The following NIBAN2 variants were observed in gnomAD, a reference collection of about 807,000 sequenced individuals.
NIBAN2 encodes the protein protein Niban 2.
A neutral mutation model predicts 81.8 loss-of-function variants in NIBAN2; 36 were observed. That is an observed-to-expected ratio of 0.44 (90% CI 0.34 to 0.58). The LOEUF (loss-of-function observed/expected upper bound fraction) is 0.58. Among genes scored for constraint, NIBAN2 ranks in the 20% least tolerant of loss-of-function variants. The pLI, the probability that NIBAN2 is intolerant of heterozygous loss-of-function variation, is 0.02. For missense variants in NIBAN2, 897 were observed against 1,014.1 expected, an observed-to-expected ratio of 0.88 and a Z score of 1.57; for synonymous variants, 445 against 441.6, an observed-to-expected ratio of 1.01 and a Z score of -0.10.
chr9:127,528,985 C>A (rs1053247898), intron 2 of NIBAN2, among the ~76,000 whole-genome samples: 4 of 152,244 alleles, frequency 2.6e-5, no homozygotes, highest in Non-Finnish European at 5.9e-5. Context: ...CCACCCAGTC[C>A]GCCCCCAGAT....
rs758406762 is a variant in NIBAN2, at chr9:127,516,953, T to C, written c.877A>G (p.Lys293Glu). The C allele has an allele frequency of 1.7e-5, 27 of 1,614,126 alleles. No individual in the cohort carries two copies. The Middle Eastern group carries it at 3.5e-3, about 207-fold the overall frequency. Residue 293 changes from lysine (K) to glutamate (E), a missense_variant, in exon 8 of 14, where the codon AAG (lysine) becomes GAG (glutamate). This residue lies in a region of NIBAN2 where 619 missense variants were observed against 691.0 expected (regional missense o/e 0.90). Coordinates refer to ENST00000373312, the MANE Select transcript of NIBAN2 (RefSeq NM_022833.4). ...AKARFEEVLS[K>E]VQQVQPAMQA... ...ATGGCCGGCTGCACCTGCTGCACCT[T>C]GGACAGCACCTCCTCGAAGCGCGCC...
chr9:127,549,389 A>ACG (rs1196374125), intron 1 of NIBAN2, among the ~76,000 whole-genome samples: 1 of 151,290 alleles, frequency 6.6e-6, no homozygotes, highest in Non-Finnish European at 1.5e-5. Flanking sequence ...ATGCACATGC[A>ACG]CGCACACACA....
intron 3 of NIBAN2, among the ~76,000 whole-genome samples, chr9:127,526,551 G>A (rs950802946): frequency 3.9e-5 from 6 of 152,318 alleles, no homozygotes; most frequent in Admixed American, 6.5e-5. Context: ...TCTGGGGCAC[G>A]AGGTTGCTCT....
chr9:127,542,103 G>A (rs894469520), intron 1 of NIBAN2, among the ~76,000 whole-genome samples: 3 of 152,190 alleles, frequency 2.0e-5, no homozygotes, highest in African/African-American at 7.2e-5. Context: ...CAGGGGAGTT[G>A]CCCAACGTTT....
intron 1 of NIBAN2, among the ~76,000 whole-genome samples, chr9:127,568,332 C>T (rs1479824936): frequency 2.0e-5 from 3 of 152,194 alleles, no homozygotes; most frequent in Non-Finnish European, 2.9e-5. Context: ...ATGGGCGCGT[C>T]CTTCAGGAAG....
At chr9:127,574,774 A>C (rs548902682) in intron 1 of NIBAN2, among the ~76,000 whole-genome samples, 1 of 152,314 alleles carries the variant, frequency 6.6e-6, no homozygotes, top group South Asian at 2.1e-4. Flanking sequence ...GGCATGGCCC[A>C]TTGTGCAGAA....
chr9:127,520,767 C>T (rs1457719938), intron 5 of NIBAN2, among the ~76,000 whole-genome samples: 7 of 152,040 alleles, frequency 4.6e-5, no homozygotes, highest in Non-Finnish European at 1.0e-4. Context: ...GCCTGTAGTC[C>T]CAGCTACTCG....
rs752031223 is a variant in NIBAN2, at chr9:127,517,267, G to A, written c.706-51C>T. On this transcript the variant is annotated intron_variant, in intron 6 of 13. Coordinates refer to ENST00000373312, the MANE Select transcript of NIBAN2 (RefSeq NM_022833.4). This position sits in a 1 kb window ranked among gnomAD's most constrained non-coding sequence, Gnocchi z 4.0. Reference sequence around the variant, plus strand: ...CCAGGGGCTGGAGAGCGCTCAGCTGGCCTGTTTCTCTCTGCATTCCCACAA... The same window carrying A: ...CCAGGGGCTGGAGAGCGCTCAGCTGACCTGTTTCTCTCTGCATTCCCACAA... 6.6e-7 allele frequency: 1 copy of A among 1,519,826 alleles called. No individual in the cohort carries two copies. Among genetic ancestry groups the A allele is most frequent in the South Asian group, 1.1e-5 (1 of 87,300 alleles). The allele number at this position is 1,519,826 out of a possible 1,614,324, so 94.1% of individuals were successfully genotyped here.
intron 5 of NIBAN2, among the ~76,000 whole-genome samples, chr9:127,521,159 G>A (rs1331255566): frequency 6.6e-6 from 1 of 152,190 alleles, no homozygotes; most frequent in Non-Finnish European, 1.5e-5. Context: ...AGCCCTGGCT[G>A]AGGCTGCACA....
In NIBAN2 at chr9:127,531,781, G is replaced by A. The variant is rs1837188987; in HGVS notation, c.56-3C>T. 6.2e-7 allele frequency: 1 copy of A among 1,614,006 alleles called. No individual in the cohort carries two copies. Among genetic ancestry groups the A allele is most frequent in the Admixed American group, 1.7e-5 (1 of 59,996 alleles). ...CGTCAGGATCTTCCCGGTTTTTTCTGGAAGAGAAGGACAAGCAGGAGCTTG... is the reference window on the plus strand; with the variant it reads ...CGTCAGGATCTTCCCGGTTTTTTCTAGAAGAGAAGGACAAGCAGGAGCTTG... On this transcript the variant is annotated splice_polypyrimidine_tract_variant and splice_region_variant and intron_variant, in intron 1 of 13. Transcript: ENST00000373312.
intron 1 of NIBAN2, among the ~76,000 whole-genome samples, chr9:127,560,267 C>T (rs1837748782): frequency 1.3e-5 from 2 of 152,160 alleles, no homozygotes; most frequent in African/African-American, 4.8e-5. Flanking sequence ...TACATCAGCT[C>T]GCCCCAGCCC....
At chr9:127,569,776 C>T (rs1456546051), upstream of NIBAN2, among the ~76,000 whole-genome samples, 6 of 152,252 alleles carry the variant, frequency 3.9e-5, no homozygotes, top group East Asian at 1.2e-3. Context: ...CGCCCCAGTG[C>T]CAGGCGGGCT....
At chr9:127,530,344 G>A (rs1310611645) in intron 2 of NIBAN2, among the ~76,000 whole-genome samples, 1 of 152,192 alleles carries the variant, frequency 6.6e-6, no homozygotes, top group African/African-American at 2.4e-5. Context: ...CAGCAGAAAG[G>A]GCCCTGGGCT....
intron 8 of NIBAN2, among the ~76,000 whole-genome samples, chr9:127,515,377 T>A (rs964864537): frequency 1.3e-5 from 2 of 151,366 alleles, no homozygotes; most frequent in African/African-American, 4.9e-5. Context: ...AAAAATTAGG[T>A]AGGCATGGTG....
At chr9:127,552,148 C>T (rs1837588213) in intron 1 of NIBAN2, among the ~76,000 whole-genome samples, 1 of 152,222 alleles carries the variant, frequency 6.6e-6, no homozygotes, top group Admixed American at 6.5e-5. Context: ...ACCATGGCCG[C>T]CTCCCCACCC....
chr9:127,569,290 C>T (rs1263280964), upstream of NIBAN2, among the ~76,000 whole-genome samples: 2 of 150,280 alleles, frequency 1.3e-5, no homozygotes, highest in Non-Finnish European at 3.0e-5. Context: ...TCCGCTGCCT[C>T]CGGCGGGCGG....
intron 1 of NIBAN2, among the ~76,000 whole-genome samples, chr9:127,576,800 G>A (rs1394570153): frequency 6.7e-6 from 1 of 150,304 alleles, no homozygotes; most frequent in African/African-American, 2.5e-5. Flanking sequence ...CTGGAGTGTA[G>A]TGGCGCCATC....
intron 2 of NIBAN2, among the ~76,000 whole-genome samples, chr9:127,528,745 C>T (rs1011500457): frequency 1.3e-5 from 2 of 152,146 alleles, no homozygotes; most frequent in African/African-American, 4.8e-5. Flanking sequence ...TGCCCTCAGC[C>T]GTCTATGTAT....
chr9:127,560,466 G>A (rs1439306295), intron 1 of NIBAN2, among the ~76,000 whole-genome samples: 1 of 152,016 alleles, frequency 6.6e-6, no homozygotes, highest in Admixed American at 6.6e-5. Context: ...AGGCCTCCCT[G>A]GGACCCTAAG....
Sources: allele counts gnomAD v4.1 joint callset (sites outside exome capture counted in the v4.1 genomes callset), GRCh38; gene constraint gnomAD v4.1.1; regional missense constraint gnomAD v4.1.1; non-coding constraint Gnocchi (gnomAD v3.1); transcripts MANE v1.5; gene names NCBI Gene and HGNC (gene_info 2026-07-23, HGNC 2026-07-21).